The following KNSTRN variants were observed in gnomAD, a reference collection of about 807,000 sequenced individuals.
KNSTRN encodes kinetochore localized astrin (SPAG5) binding protein.
KNSTRN carries 38 observed loss-of-function variants against 44.7 expected under a neutral mutation model. The observed-to-expected ratio is 0.85, with a 90% CI of 0.66 to 1.11. KNSTRN has a LOEUF of 1.11. Among genes scored for constraint, KNSTRN ranks in the 50% most tolerant of loss-of-function variants. The probability of loss-of-function intolerance (pLI) is 0.00; values close to 1 mark genes in which losing one functional copy is unlikely to be tolerated. For synonymous variants in KNSTRN, 158 were observed against 148.1 expected, an observed-to-expected ratio of 1.07 and a Z score of -0.48; for missense variants, 406 against 375.8, an observed-to-expected ratio of 1.08 and a Z score of -0.66.
rs1182386374 is a variant in KNSTRN at position 40,386,352 on chromosome 15, T to G, written c.305-10T>G. 2.5e-6 allele frequency: 4 copies of G among 1,612,196 alleles called. No individual in the cohort carries two copies. The Admixed American group carries it at 6.7e-5, about 27-fold the overall frequency. ...ATGCCAGAAGCTTTACCTCTCATTTTCCTTTGCAGACACACAAACTCGGGC... is the reference window on the plus strand; with the variant it reads ...ATGCCAGAAGCTTTACCTCTCATTTGCCTTTGCAGACACACAAACTCGGGC... On this transcript the variant is annotated splice_polypyrimidine_tract_variant and intron_variant, in intron 2 of 8. Coordinates refer to ENST00000249776, the MANE Select transcript of KNSTRN (RefSeq NM_033286.4).
intron 4 of KNSTRN, 131 bp downstream of exon 4, chr15:40,387,337 T>A (rs1247250091): frequency 1.3e-6 from 1 of 773,802 alleles, no homozygotes; most frequent in Non-Finnish European, 2.3e-6. Flanking sequence ...GGAACCTGAG[T>A]GGAATTTTCA....
At chr15:40,386,986 A>G in intron 3 of KNSTRN, 173 bp from the exon 4 acceptor site, 3 of 628,976 alleles carry the variant, frequency 4.8e-6, no homozygotes, top group South Asian at 3.7e-5. Context: ...AGCCTTTTCA[A>G]TAATCTGTGC....
intron 8 of KNSTRN, 105 bp from the exon 9 acceptor site, chr15:40,393,364 C>T: frequency 6.3e-7 from 1 of 1,591,004 alleles, no homozygotes; most frequent in Non-Finnish European, 8.6e-7. Context: ...CAGTGGTCTT[C>T]CTTAGTGGAA....
chr15:40,384,621 T>C (rs1456158440), intron 2 of KNSTRN: 1 of 359,744 alleles, frequency 2.8e-6, no homozygotes, highest in Non-Finnish European at 5.6e-6. Flanking sequence ...CTCTTTGATT[T>C]CTATCTCTGT....
intron 6 of KNSTRN, among the ~76,000 whole-genome samples, chr15:40,390,466 G>A (rs1889979368): frequency 6.6e-6 from 1 of 152,222 alleles, no homozygotes; most frequent in Non-Finnish European, 1.5e-5. Context: ...AGCAAAGAGA[G>A]CAGAAGAAGG....
At chr15:40,393,426 T>G in intron 8 of KNSTRN, 43 bp from the exon 9 acceptor site, 1 of 1,603,458 alleles carries the variant, frequency 6.2e-7, no homozygotes, top group Admixed American at 1.7e-5. Context: ...AGTCAAGAGT[T>G]TTGTGTATGT....
Position 40,386,348 on chromosome 15 carries a change from A to G in KNSTRN, c.305-14A>G. ...CATGATGCCAGAAGCTTTACCTCTC[A>G]TTTTCCTTTGCAGACACACAAACTC... On this transcript the variant is annotated splice_polypyrimidine_tract_variant and intron_variant, in intron 2 of 8. Coordinates refer to ENST00000249776, the MANE Select transcript of KNSTRN (RefSeq NM_033286.4). 1 of 1,611,214 alleles carries G rather than the reference A, an allele frequency of 6.2e-7. No homozygotes were observed. The highest frequency in any genetic ancestry group is 1.1e-5 in the South Asian group (1 of 90,628).
Position 40,382,763 on chromosome 15 carries a change from C to T in KNSTRN, c.-73C>T. The T allele has an allele frequency of 1.5e-6, 2 of 1,372,296 alleles. No individual in the cohort carries two copies. The highest frequency in any genetic ancestry group is 2.1e-5 in the Admixed American group (1 of 47,262). 85.0% of individuals were successfully genotyped at this position (1,372,296 alleles called of 1,614,324 possible). On this transcript the variant is annotated 5_prime_UTR_variant, in exon 1 of 9. Coordinates refer to ENST00000249776, the MANE Select transcript of KNSTRN (RefSeq NM_033286.4). ...CTACAAATTGCATCACCCTCCTCCT[C>T]TGCCCAGACCTGGGGGCTCCAACAC...
intron 6 of KNSTRN, 97 bp downstream of exon 6, chr15:40,390,026 T>C: frequency 6.7e-6 from 6 of 890,078 alleles, no homozygotes; most frequent in Non-Finnish European, 9.4e-6. Context: ...TGGCCCAGTA[T>C]GTGCAGGGGT....
At chr15:40,386,278 A>G (rs1889900016) in intron 2 of KNSTRN, 84 bp from the exon 3 acceptor site, 2 of 1,347,964 alleles carry the variant, frequency 1.5e-6, no homozygotes. Flanking sequence ...ATTTATGACA[A>G]CTTCGAATGG....
At position 40,389,893 on chromosome 15, in the gene KNSTRN, T is replaced by C; in HGVS notation, c.649T>C (p.Cys217Arg). ...VELLEKFRDN[C>R]LAILESKGLD... Reference sequence around the variant, plus strand: ...GCTGCTGGAGAAGTTTCGGGACAACTGTTTGGCAATTTTGGAGAGCAAGGG... The same window carrying C: ...GCTGCTGGAGAAGTTTCGGGACAACCGTTTGGCAATTTTGGAGAGCAAGGG... Residue 217 changes from cysteine to arginine, a missense_variant, in exon 6 of 9, where the codon TGT becomes CGT. By Grantham distance (180) the Cys-to-Arg change is radical. Transcript: ENST00000249776. 6.2e-7 allele frequency: 1 copy of C among 1,614,176 alleles called. No individual in the cohort carries two copies. Among genetic ancestry groups the C allele is most frequent in the Non-Finnish European group, 8.5e-7 (1 of 1,180,020 alleles).
intron 5 of KNSTRN, 34 bp from the exon 6 acceptor site, chr15:40,389,802 C>T: frequency 6.3e-7 from 1 of 1,596,358 alleles, no homozygotes. Context: ...GGGAGTTGGA[C>T]AATTCCTGAT....
chr15:40,391,656 C>T, intron 7 of KNSTRN, 102 bp downstream of exon 7: 1 of 961,386 alleles, frequency 1.0e-6, no homozygotes, highest in Non-Finnish European at 1.6e-6. Flanking sequence ...CAAGAAACAG[C>T]CTTTGATTAT....
At chr15:40,383,595 C>T (rs1182423993) in intron 2 of KNSTRN, among the ~76,000 whole-genome samples, 9 of 152,348 alleles carry the variant, frequency 5.9e-5, no homozygotes, top group Non-Finnish European at 1.0e-4. Context: ...CAATGTTATT[C>T]CCATTAAGCT....
chr15:40,383,123 T>C (rs1889841372), intron 1 of KNSTRN, 79 bp downstream of exon 1: 9 of 1,594,434 alleles, frequency 5.6e-6, no homozygotes, highest in Non-Finnish European at 7.7e-6. Context: ...ATTTTCTCTT[T>C]TCCAACCCCG....
At chr15:40,392,195 T>TTC (rs1410704962) in intron 8 of KNSTRN, among the ~76,000 whole-genome samples, 172 bp downstream of exon 8, 1 of 151,938 alleles carries the variant, frequency 6.6e-6, no homozygotes, top group South Asian at 2.1e-4. Flanking sequence ...TGTTTTTTTT[T>TTC]TTCCAACTTT....
rs759799029 is a variant in KNSTRN, at chr15:40,387,190, A to G, written c.469A>G (p.Arg157Gly). The stretch of plus-strand genomic sequence containing the variant: ...GAAAGCTACTGACACTGCCACCAGA[A>G]GGAATGTCAGAAAAGGGTGAGCATC... Reference protein sequence around the residue: ...QMKATDTATRRNVRKGYKPLS... With the variant: ...QMKATDTATRGNVRKGYKPLS... Residue 157 changes from arginine (R) to glycine (G), a missense_variant, in exon 4 of 9, where the codon AGG (arginine) becomes GGG (glycine). Transcript: ENST00000249776. The G allele has an allele frequency of 6.2e-7, 1 of 1,613,578 alleles. No individual in the cohort carries two copies. The highest frequency in any genetic ancestry group is 1.7e-5 in the Admixed American group (1 of 60,030).
At chr15:40,393,339 A>G in intron 8 of KNSTRN, 130 bp from the exon 9 acceptor site, 1 of 1,600,746 alleles carries the variant, frequency 6.2e-7, no homozygotes, top group Non-Finnish European at 8.5e-7. Context: ...TAGAAGATAC[A>G]GTCTGTTGAT....
Position 40,393,516 on chromosome 15 carries a change from A to C in KNSTRN, c.870A>C (p.Leu290=). The change falls in exon 9 of 9, where the codon CTA becomes CTC. Residue 290 remains leucine, a synonymous_variant. Coordinates refer to ENST00000249776, the MANE Select transcript of KNSTRN (RefSeq NM_033286.4). ...LEMKEERVRF[L]EQQTLCNNQV... is the part of the protein sequence containing the mutation. ...TGAAAGAGGAAAGAGTCCGATTCCT[A>C]GAACAGCAAACCTTATGTAACAATC... The C allele has an allele frequency of 6.2e-7, 1 of 1,614,156 alleles. No individual in the cohort carries two copies. Among genetic ancestry groups the C allele is most frequent in the Non-Finnish European group, 8.5e-7 (1 of 1,180,004 alleles).
Sources: allele counts gnomAD v4.1 joint callset (sites outside exome capture counted in the v4.1 genomes callset), GRCh38; gene constraint gnomAD v4.1.1; transcripts MANE v1.5; gene names NCBI Gene and HGNC (gene_info 2026-07-23, HGNC 2026-07-21).